Variants in SLCO6A1 observed in about 807,000 individuals in gnomAD.
SLCO6A1 encodes solute carrier organic anion transporter family member 6A1.
Under a neutral mutation model 72.7 loss-of-function variants are expected in SLCO6A1, and 65 were observed. The ratio of observed to expected loss-of-function variants is 0.89; its 90% CI spans 0.73 to 1.10. The LOEUF (loss-of-function observed/expected upper bound fraction) is 1.10. Among genes scored for constraint, SLCO6A1 ranks in the 50% least tolerant of loss-of-function variants. The probability of loss-of-function intolerance (pLI) is 0.00; values close to 1 mark genes in which losing one functional copy is unlikely to be tolerated. For synonymous variants in SLCO6A1, 314 were observed against 298.2 expected (o/e 1.05, Z -0.55); for missense variants, 874 against 872.6 (o/e 1.00, Z -0.02).
intron 9 of SLCO6A1, among the ~76,000 whole-genome samples, chr5:102,401,412 G>A (rs1212317054): frequency 6.6e-6 from 1 of 151,954 alleles, no homozygotes; most frequent in South Asian, 2.1e-4. Flanking sequence ...GTCATTGGAT[G>A]GATATATAAA....
chr5:102,451,300 G>T (rs183325653), intron 6 of SLCO6A1, among the ~76,000 whole-genome samples: 8 of 152,296 alleles, frequency 5.3e-5, no homozygotes, highest in Middle Eastern at 6.8e-3. Context: ...AGGCAGGGGT[G>T]GGTTGGCTGT....
chr5:102,379,851 A>C (rs887753497), intron 12 of SLCO6A1, among the ~76,000 whole-genome samples: 5 of 149,040 alleles, frequency 3.4e-5, no homozygotes, highest in African/African-American at 1.2e-4. Context: ...AATGGCATTT[A>C]TTAATGTTCT....
At chr5:102,403,729 G>A (rs1747522106) in intron 9 of SLCO6A1, among the ~76,000 whole-genome samples, 1 of 152,018 alleles carries the variant, frequency 6.6e-6, no homozygotes, top group African/African-American at 2.4e-5. Flanking sequence ...TCCAAAAAAG[G>A]TGTAAATTTA....
chr5:102,455,616 T>G (rs898316925), intron 6 of SLCO6A1, among the ~76,000 whole-genome samples: 2 of 152,144 alleles, frequency 1.3e-5, no homozygotes, highest in African/African-American at 4.8e-5. Context: ...CTGAGTTACT[T>G]AAACATAATA....
intron 4 of SLCO6A1, among the ~76,000 whole-genome samples, chr5:102,465,729 A>G (rs1351652678): frequency 6.6e-6 from 1 of 152,106 alleles, no homozygotes; most frequent in Non-Finnish European, 1.5e-5. Context: ...CATCTATCAT[A>G]TGAATACCTT....
intron 1 of SLCO6A1, among the ~76,000 whole-genome samples, chr5:102,480,676 A>G (rs1422406586): frequency 6.6e-6 from 1 of 152,172 alleles, no homozygotes; most frequent in Admixed American, 6.5e-5. Context: ...AATTTCCTAA[A>G]GAATAGTGAT....
intron 1 of SLCO6A1, among the ~76,000 whole-genome samples, chr5:102,497,942 G>C (rs1041178112): frequency 2.6e-5 from 4 of 152,040 alleles, no homozygotes; most frequent in Admixed American, 6.6e-5. Context: ...ACCGAAGCTC[G>C]GTGCTTGAGA....
chr5:102,492,821 C>T (rs1017042024), intron 1 of SLCO6A1, among the ~76,000 whole-genome samples: 6 of 152,150 alleles, frequency 3.9e-5, no homozygotes, highest in African/African-American at 9.7e-5. Context: ...AACTGCAAGG[C>T]GGCAACGAGG....
At chr5:102,494,754 C>G (rs749978041) in intron 1 of SLCO6A1, among the ~76,000 whole-genome samples, 1 of 152,170 alleles carries the variant, frequency 6.6e-6, no homozygotes, top group African/African-American at 2.4e-5. Context: ...ACAATACCAA[C>G]TATTAATAAG....
intron 6 of SLCO6A1, among the ~76,000 whole-genome samples, chr5:102,439,876 A>G (rs1749740340): frequency 6.6e-6 from 1 of 152,216 alleles, no homozygotes; most frequent in African/African-American, 2.4e-5. Flanking sequence ...ACTTTCTAAA[A>G]GTTATCAAAG....
At chr5:102,409,486 A>AT (rs1287133080) in intron 9 of SLCO6A1, among the ~76,000 whole-genome samples, 1 of 151,886 alleles carries the variant, frequency 6.6e-6, no homozygotes, top group Non-Finnish European at 1.5e-5. Context: ...TTTTGTTAAG[A>AT]TTTTTTTATT....
intron 12 of SLCO6A1, among the ~76,000 whole-genome samples, chr5:102,387,066 C>A (rs908670605): frequency 1.3e-5 from 2 of 152,128 alleles, no homozygotes; most frequent in African/African-American, 4.8e-5. Flanking sequence ...TATTTTCACA[C>A]ATGGATGGTC....
intron 4 of SLCO6A1, among the ~76,000 whole-genome samples, chr5:102,463,831 A>C (rs1751166930): frequency 6.6e-6 from 1 of 150,970 alleles, no homozygotes; most frequent in Non-Finnish European, 1.5e-5. Flanking sequence ...GGTTGCAGTG[A>C]GTCGAGATTG....
chr5:102,388,335 A>AT (rs1204309288), intron 12 of SLCO6A1, among the ~76,000 whole-genome samples: 2 of 148,778 alleles, frequency 1.3e-5, no homozygotes, highest in South Asian at 2.1e-4. Flanking sequence ...TCCTTTTATT[A>AT]TTTTTTTATT....
chr5:102,467,572 A>T (rs1203745490), intron 4 of SLCO6A1, among the ~76,000 whole-genome samples: 1 of 152,074 alleles, frequency 6.6e-6, no homozygotes, highest in Non-Finnish European at 1.5e-5. Context: ...CCCTGCCCTT[A>T]TCATGTGGGG....
intron 4 of SLCO6A1, 112 bp downstream of exon 4, chr5:102,475,585 C>T: frequency 1.6e-6 from 1 of 607,444 alleles, no homozygotes; most frequent in South Asian, 3.0e-5. Context: ...TATATTTTTT[C>T]TAAAACTATG....
intron 12 of SLCO6A1, among the ~76,000 whole-genome samples, chr5:102,380,805 T>A (rs78740911): frequency 0.018 from 2,737 of 152,072 alleles, 79 homozygotes; most frequent in African/African-American, 0.062. Flanking sequence ...ATGTCCTTCA[T>A]ATTGGACAGT....
chr5:102,406,286 C>T (rs960588276), intron 9 of SLCO6A1, among the ~76,000 whole-genome samples: 2 of 151,838 alleles, frequency 1.3e-5, no homozygotes, highest in African/African-American at 2.4e-5. Flanking sequence ...ATAAAATACA[C>T]CATAAAAATA....
At chr5:102,469,283 C>T (rs1751476621) in intron 4 of SLCO6A1, among the ~76,000 whole-genome samples, 1 of 152,070 alleles carries the variant, frequency 6.6e-6, no homozygotes, top group African/African-American at 2.4e-5. Context: ...ACTGATTCTT[C>T]CTATCCATGA....
Sources: gnomAD v4.1 joint callset for allele counts (sites outside exome capture counted in the v4.1 genomes callset) on GRCh38, gnomAD v4.1.1 for gene constraint, MANE v1.5 for transcripts, NCBI Gene and HGNC (gene_info 2026-07-23, HGNC 2026-07-21) for gene names.